The following CTNNA3 variants were observed in gnomAD, a reference collection of about 807,000 sequenced individuals.
CTNNA3 encodes catenin alpha 3.
In CTNNA3, 76 loss-of-function variants were observed where a neutral mutation model predicts 95.7. The observed-to-expected ratio is 0.79, with a 90% CI of 0.66 to 0.96. The LOEUF (loss-of-function observed/expected upper bound fraction) is 0.96. CTNNA3 is among the 40% of genes least tolerant of loss of function. The pLI, the probability that CTNNA3 is intolerant of heterozygous loss-of-function variation, is 0.00. For missense variants in CTNNA3, 1,191 were observed against 1,089.8 expected (o/e 1.09, Z -1.31); for synonymous variants, 431 against 374.4 (o/e 1.15, Z -1.74).
intron 12 of CTNNA3, among the ~76,000 whole-genome samples, chr10:66,319,478 T>C (rs1461465766): frequency 1.3e-5 from 2 of 152,150 alleles, no homozygotes; most frequent in East Asian, 3.9e-4. Context: ...AAGCTCTTCA[T>C]ATAAGATAGG....
At chr10:66,584,476 T>G (rs1176751690) in intron 10 of CTNNA3, among the ~76,000 whole-genome samples, 1 of 152,134 alleles carries the variant, frequency 6.6e-6, no homozygotes, top group Non-Finnish European at 1.5e-5. Context: ...TAAAGTCTAT[T>G]TTATTTGTTT....
intron 11 of CTNNA3, among the ~76,000 whole-genome samples, chr10:66,494,845 C>T (rs1217789215): frequency 6.6e-6 from 1 of 152,172 alleles, no homozygotes; most frequent in Non-Finnish European, 1.5e-5. Flanking sequence ...ATTATCCTGT[C>T]ACTTAGGAAT....
chr10:66,927,887 T>C lies in CTNNA3; in HGVS notation c.1048-152363A>G, dbSNP rs947381555. 4.3e-6 allele frequency: 7 copies of C among 1,614,264 alleles called. No homozygotes were observed. Among genetic ancestry groups the C allele is most frequent in the Non-Finnish European group, 5.1e-6 (6 of 1,180,042 alleles). On this transcript the variant is annotated intron_variant, in intron 7 of 17. Transcript: ENST00000433211. This position sits in a 1 kb window ranked among gnomAD's most constrained non-coding sequence, Gnocchi z 4.7. ...TGCAGCAGAAATATTTGCTCCCTTG[T>C]AAACTGGCTGAAAAGTTTTAAAGGT...
chr10:67,600,821 T>C (rs891159834), intron 3 of CTNNA3, among the ~76,000 whole-genome samples: 1 of 152,128 alleles, frequency 6.6e-6, no homozygotes, highest in Non-Finnish European at 1.5e-5. Flanking sequence ...TCATCAGCAA[T>C]AGAACAGATA....
chr10:66,832,856 G>A (rs1446496664), intron 7 of CTNNA3, among the ~76,000 whole-genome samples: 1 of 152,052 alleles, frequency 6.6e-6, no homozygotes, highest in Non-Finnish European at 1.5e-5. Context: ...CTAGATTTCT[G>A]AGCACTAGAT....
intron 2 of CTNNA3, among the ~76,000 whole-genome samples, chr10:67,646,035 A>G (rs1428678083): frequency 2.7e-5 from 4 of 149,816 alleles, no homozygotes; most frequent in Non-Finnish European, 5.9e-5. Context: ...AAAATCTCCC[A>G]CAACTTTATT....
At chr10:66,145,520 G>A (rs1264079676) in intron 13 of CTNNA3, among the ~76,000 whole-genome samples, 1 of 152,140 alleles carries the variant, frequency 6.6e-6, no homozygotes, top group Non-Finnish European at 1.5e-5. Flanking sequence ...TAGAGAAAGT[G>A]GGGAAGGGTT....
At chr10:66,313,264 A>G (rs2092049166) in intron 12 of CTNNA3, among the ~76,000 whole-genome samples, 1 of 152,182 alleles carries the variant, frequency 6.6e-6, no homozygotes. Flanking sequence ...ATAGATAGCT[A>G]GTAAGTGATC....
At chr10:66,016,274 C>A (rs1301436149) in intron 15 of CTNNA3, among the ~76,000 whole-genome samples, 1 of 152,186 alleles carries the variant, frequency 6.6e-6, no homozygotes, top group Non-Finnish European at 1.5e-5. Flanking sequence ...TTCAGAAAGA[C>A]AGTGCCTTAA....
chr10:66,347,978 T>C (rs2092537448), intron 12 of CTNNA3, among the ~76,000 whole-genome samples: 1 of 152,090 alleles, frequency 6.6e-6, no homozygotes, highest in Non-Finnish European at 1.5e-5. Context: ...GGCAATGATA[T>C]ATACCTCCAA....
At chr10:66,138,873 A>G (rs1488872232) in intron 13 of CTNNA3, among the ~76,000 whole-genome samples, 1 of 152,162 alleles carries the variant, frequency 6.6e-6, no homozygotes, top group African/African-American at 2.4e-5. Context: ...AATGAAATGA[A>G]ATAAAAATAA....
At chr10:67,186,322 T>TA (rs1483419701) in intron 6 of CTNNA3, among the ~76,000 whole-genome samples, 1 of 152,214 alleles carries the variant, frequency 6.6e-6, no homozygotes, top group East Asian at 1.9e-4. Flanking sequence ...GTAAATAGCC[T>TA]ATATTGTAGA....
chr10:67,028,838 C>A (rs1450617381), intron 7 of CTNNA3, among the ~76,000 whole-genome samples: 1 of 152,032 alleles, frequency 6.6e-6, no homozygotes, highest in Non-Finnish European at 1.5e-5. Context: ...GATAGGAAAT[C>A]CCTGAGTAGA....
chr10:67,033,133 C>T (rs1589635061), intron 7 of CTNNA3, among the ~76,000 whole-genome samples: 1 of 152,092 alleles, frequency 6.6e-6, no homozygotes, highest in East Asian at 1.9e-4. Context: ...TTGAAGGAAA[C>T]CGACTGATTT....
At chr10:66,809,009 G>T (rs1195665892) in intron 7 of CTNNA3, among the ~76,000 whole-genome samples, 1 of 152,134 alleles carries the variant, frequency 6.6e-6, no homozygotes, top group Non-Finnish European at 1.5e-5. Context: ...ACAGCAGATG[G>T]TTGTCAGCAT....
intron 9 of CTNNA3, among the ~76,000 whole-genome samples, chr10:66,661,187 T>C (rs1272071730): frequency 6.6e-6 from 1 of 152,156 alleles, no homozygotes; most frequent in Non-Finnish European, 1.5e-5. Context: ...ATTATATTAG[T>C]CCATTTTCAT....
At chr10:66,141,275 AAAAG>A (rs1355641313) in intron 13 of CTNNA3, among the ~76,000 whole-genome samples, 132 of 152,066 alleles carry the variant, frequency 8.7e-4, no homozygotes, top group African/African-American at 2.9e-3. Flanking sequence ...TAAAAAAAAA[AAAAG>A]AAAGAAAGAA....
chr10:66,387,719 G>C (rs1457858956), intron 11 of CTNNA3, among the ~76,000 whole-genome samples: 1 of 152,156 alleles, frequency 6.6e-6, no homozygotes, highest in Non-Finnish European at 1.5e-5. Flanking sequence ...TGATAGACTG[G>C]ATTAAGAAAA....
chr10:67,398,382 G>A (rs1233393489), intron 5 of CTNNA3, among the ~76,000 whole-genome samples: 2 of 152,178 alleles, frequency 1.3e-5, no homozygotes, highest in Non-Finnish European at 2.9e-5. Context: ...TAGCCCCTTT[G>A]TTTTGACCAA....
Sources: allele counts gnomAD v4.1 joint callset (sites outside exome capture counted in the v4.1 genomes callset), GRCh38; gene constraint gnomAD v4.1.1; non-coding constraint Gnocchi (gnomAD v3.1); transcripts MANE v1.5; gene names NCBI Gene and HGNC (gene_info 2026-07-23, HGNC 2026-07-21).